The following GNB4 variants were observed in gnomAD, a reference collection of about 807,000 sequenced individuals.
GNB4 encodes the protein guanine nucleotide-binding protein subunit beta-4.
GNB4 carries 28 observed loss-of-function variants against 45.2 expected under a neutral mutation model. The observed-to-expected ratio is 0.62, with a 90% CI of 0.46 to 0.85. GNB4 has a LOEUF of 0.85. Ranked by LOEUF, GNB4 falls within the 40% of genes least tolerant of loss-of-function variation. GNB4 has a pLI of 0.00. For missense variants in GNB4, 321 were observed against 425.4 expected, an observed-to-expected ratio of 0.75 and a Z score of 2.16; for synonymous variants, 132 against 143.7, an observed-to-expected ratio of 0.92 and a Z score of 0.58.
chr3:179,479,014 G>A, the GNB4 span, among the ~76,000 whole-genome samples: 1 of 152,106 alleles, frequency 6.6e-6, no homozygotes, highest in Non-Finnish European at 1.5e-5. Flanking sequence ...AAGCCACTAT[G>A]CTTCCTGTAG....
the GNB4 span, among the ~76,000 whole-genome samples, chr3:179,519,477 C>A: frequency 1.8e-4 from 28 of 152,272 alleles, no homozygotes; most frequent in East Asian, 1.9e-3. Flanking sequence ...TTTCAAGGGC[C>A]TGTTTCCCTT....
At chr3:179,494,165 C>T in the GNB4 span, among the ~76,000 whole-genome samples, 363 of 152,250 alleles carry the variant, frequency 2.4e-3, 1 homozygote, top group Middle Eastern at 6.8e-3. Flanking sequence ...CTGTGGCATT[C>T]TGAACTATTT....
chr3:179,436,059 C>G (rs1488170659), intron 1 of GNB4, among the ~76,000 whole-genome samples: 1 of 152,130 alleles, frequency 6.6e-6, no homozygotes, highest in South Asian at 2.1e-4. Context: ...ATCATGAAAG[C>G]TCATATAAGC....
chr3:179,467,171 G>A, the GNB4 span, among the ~76,000 whole-genome samples: 1 of 152,104 alleles, frequency 6.6e-6, no homozygotes, highest in South Asian at 2.1e-4. Context: ...GTGCCAGCAT[G>A]CCTGGCTAAG....
the GNB4 span, among the ~76,000 whole-genome samples, chr3:179,475,684 G>A: frequency 2.6e-4 from 40 of 151,696 alleles, no homozygotes; most frequent in African/African-American, 8.7e-4. Flanking sequence ...ATGTTGGCCA[G>A]GATGGTCTCA....
At chr3:179,413,127 G>T (rs1714697029) in intron 8 of GNB4, among the ~76,000 whole-genome samples, 1 of 151,980 alleles carries the variant, frequency 6.6e-6, no homozygotes, top group Admixed American at 6.5e-5. Context: ...GCAGTGAGCC[G>T]TGACTGCACC....
chr3:179,452,839 T>A (rs996060652), upstream of GNB4, among the ~76,000 whole-genome samples: 5 of 152,188 alleles, frequency 3.3e-5, no homozygotes, highest in African/African-American at 1.2e-4. Context: ...CGTTGGGACA[T>A]GAGTGTTTTG....
chr3:179,478,405 G>A, the GNB4 span, among the ~76,000 whole-genome samples: 2 of 152,132 alleles, frequency 1.3e-5, no homozygotes, highest in Non-Finnish European at 2.9e-5. Flanking sequence ...GATCCATAGG[G>A]AACAGTTAGG....
At chr3:179,402,903 G>A (rs1247174829) in intron 9 of GNB4, among the ~76,000 whole-genome samples, 1 of 152,198 alleles carries the variant, frequency 6.6e-6, no homozygotes, top group African/African-American at 2.4e-5. Flanking sequence ...CGTAAGGCCA[G>A]AGACTCACTC....
At chr3:179,457,220 G>T in the GNB4 span, among the ~76,000 whole-genome samples, 1 of 152,188 alleles carries the variant, frequency 6.6e-6, no homozygotes, top group Non-Finnish European at 1.5e-5. Context: ...CATGAATTCA[G>T]ACTTCCTTTA....
the GNB4 span, among the ~76,000 whole-genome samples, chr3:179,485,017 T>G: frequency 8.3e-6 from 1 of 121,138 alleles, no homozygotes; most frequent in African/African-American, 2.9e-5. Context: ...TTTTTTTTTT[T>G]TTTTTTTTTT....
At chr3:179,431,557 C>CA (rs71181291) in intron 1 of GNB4, among the ~76,000 whole-genome samples, 60,151 of 128,318 alleles carry the variant, frequency 0.47, 13,680 homozygotes, top group Admixed American at 0.54. Context: ...GACTCTGTCT[C>CA]AAAAAAAAAA....
At chr3:179,486,024 A>G in the GNB4 span, among the ~76,000 whole-genome samples, 3 of 152,228 alleles carry the variant, frequency 2.0e-5, no homozygotes, top group East Asian at 5.8e-4. Context: ...GTAGTTCAAG[A>G]CCAGCCTGGC....
chr3:179,506,883 G>T, the GNB4 span, among the ~76,000 whole-genome samples: 2 of 152,022 alleles, frequency 1.3e-5, no homozygotes, highest in Non-Finnish European at 2.9e-5. Context: ...ACTCCCTAAA[G>T]AACATAGCAC....
At chr3:179,415,653 A>C (rs1402656523) in intron 5 of GNB4, among the ~76,000 whole-genome samples, 1 of 152,124 alleles carries the variant, frequency 6.6e-6, no homozygotes, top group Non-Finnish European at 1.5e-5. Context: ...GGTGTATGAG[A>C]ATACCACGGC....
chr3:179,440,876 T>TAGAGAGAG (rs1358506608), intron 1 of GNB4, among the ~76,000 whole-genome samples: 14 of 110,718 alleles, frequency 1.3e-4, no homozygotes, highest in Middle Eastern at 4.1e-3. Flanking sequence ...TATATATAGA[T>TAGAGAGAG]AGATAGAGAG....
At chr3:179,468,849 G>C in the GNB4 span, among the ~76,000 whole-genome samples, 1 of 152,150 alleles carries the variant, frequency 6.6e-6, no homozygotes, top group East Asian at 1.9e-4. Context: ...CCTGATACAG[G>C]AGAGAATTAT....
At chr3:179,522,135 C>T in the GNB4 span, among the ~76,000 whole-genome samples, 1 of 152,158 alleles carries the variant, frequency 6.6e-6, no homozygotes, top group African/African-American at 2.4e-5. Flanking sequence ...CCTGCATGTA[C>T]ACATCCAGAT....
At chr3:179,496,895 G>T in the GNB4 span, among the ~76,000 whole-genome samples, 13 of 152,084 alleles carry the variant, frequency 8.5e-5, no homozygotes, top group African/African-American at 3.1e-4. Flanking sequence ...AATAGTAGGG[G>T]TATCCAATAT....
Sources: allele counts gnomAD v4.1 joint callset (sites outside exome capture counted in the v4.1 genomes callset), GRCh38; gene constraint gnomAD v4.1.1; transcripts MANE v1.5; gene names NCBI Gene and HGNC (gene_info 2026-07-23, HGNC 2026-07-21).